Variants in ABTB3 observed in about 807,000 individuals in gnomAD.
ABTB3 encodes the protein ankyrin repeat- and BTB/POZ domain-containing protein 3.
the ABTB3 span, among the ~76,000 whole-genome samples, chr12:107,401,902 C>T: frequency 2.0e-5 from 3 of 147,540 alleles, no homozygotes; most frequent in Non-Finnish European, 3.0e-5. Context: ...TAGTAGGTAA[C>T]AACCGCTTAG....
the ABTB3 span, among the ~76,000 whole-genome samples, chr12:107,516,988 G>A: frequency 6.6e-6 from 1 of 152,252 alleles, no homozygotes. Context: ...TTCTTCTAGG[G>A]TTTTTATGGT....
the ABTB3 span, among the ~76,000 whole-genome samples, chr12:107,364,497 G>A: frequency 6.6e-6 from 1 of 151,936 alleles, no homozygotes; most frequent in Admixed American, 6.6e-5. Context: ...CACCATATTG[G>A]TTAGGCTGGT....
the ABTB3 span, among the ~76,000 whole-genome samples, chr12:107,363,427 A>G: frequency 6.6e-6 from 1 of 152,238 alleles, no homozygotes; most frequent in East Asian, 1.9e-4. Flanking sequence ...GGAGAAAACA[A>G]TGAATCTGTT....
At chr12:107,367,064 T>C in the ABTB3 span, among the ~76,000 whole-genome samples, 6 of 152,214 alleles carry the variant, frequency 3.9e-5, no homozygotes, top group African/African-American at 1.4e-4. Context: ...CACAGGTGAT[T>C]TGCTTAGATT....
the ABTB3 span, among the ~76,000 whole-genome samples, chr12:107,337,472 C>G: frequency 6.6e-6 from 1 of 152,220 alleles, no homozygotes; most frequent in Non-Finnish European, 1.5e-5. Flanking sequence ...ATTAATGTGG[C>G]TGGTTCCCAT....
chr12:107,516,483 C>T, the ABTB3 span, among the ~76,000 whole-genome samples: 104 of 152,262 alleles, frequency 6.8e-4, no homozygotes, highest in African/African-American at 2.5e-3. Context: ...CCGCCCACCT[C>T]GGCCTCCCAA....
chr12:107,506,833 TG>T, the ABTB3 span, among the ~76,000 whole-genome samples: 15 of 152,188 alleles, frequency 9.9e-5, no homozygotes, highest in Admixed American at 2.0e-4. Flanking sequence ...AGTGAGTGAA[TG>T]AATTGATGCA....
the ABTB3 span, among the ~76,000 whole-genome samples, chr12:107,413,964 A>G: frequency 6.6e-6 from 1 of 152,218 alleles, no homozygotes. Flanking sequence ...GGAGAAATAG[A>G]TAGTTTATTT....
At chr12:107,487,088 G>T in the ABTB3 span, among the ~76,000 whole-genome samples, 38 of 152,118 alleles carry the variant, frequency 2.5e-4, no homozygotes, top group African/African-American at 8.5e-4. Flanking sequence ...TCTGTCCCCA[G>T]TTTTTCCTTG....
the ABTB3 span, among the ~76,000 whole-genome samples, chr12:107,325,114 A>G: frequency 1.3e-5 from 2 of 152,248 alleles, no homozygotes; most frequent in African/African-American, 4.8e-5. Flanking sequence ...TGGAGATAAC[A>G]ATAATACTTG....
the ABTB3 span, among the ~76,000 whole-genome samples, chr12:107,388,634 T>C: frequency 0.057 from 8,590 of 151,700 alleles, 278 homozygotes; most frequent in Middle Eastern, 0.095. Flanking sequence ...CTGCTGGAGG[T>C]CTGGGCCAGC....
chr12:107,390,514 C>T, the ABTB3 span, among the ~76,000 whole-genome samples: 1 of 152,208 alleles, frequency 6.6e-6, no homozygotes, highest in Non-Finnish European at 1.5e-5. Context: ...CCAAAAAATA[C>T]TCACTGAATT....
the ABTB3 span, among the ~76,000 whole-genome samples, chr12:107,383,274 A>G: frequency 6.6e-6 from 1 of 152,158 alleles, no homozygotes; most frequent in Non-Finnish European, 1.5e-5. Context: ...GCCAGAGACC[A>G]CTCAGTGCCT....
the ABTB3 span, among the ~76,000 whole-genome samples, chr12:107,563,059 C>T: frequency 1.3e-5 from 2 of 152,184 alleles, no homozygotes; most frequent in African/African-American, 4.8e-5. Context: ...TTATTCTGGG[C>T]CCTTAGCAGG....
the ABTB3 span, among the ~76,000 whole-genome samples, chr12:107,524,071 C>T: frequency 1.3e-5 from 2 of 152,350 alleles, no homozygotes; most frequent in South Asian, 4.1e-4. Context: ...AGGCAGCCTG[C>T]AGGAGCTGCT....
chr12:107,630,381 C>A, the ABTB3 span, among the ~76,000 whole-genome samples: 1 of 150,506 alleles, frequency 6.6e-6, no homozygotes, highest in Admixed American at 6.6e-5. Flanking sequence ...GTGTAGGGAG[C>A]CCCCTGATGT....
At chr12:107,506,401 A>G in the ABTB3 span, among the ~76,000 whole-genome samples, 1 of 152,218 alleles carries the variant, frequency 6.6e-6, no homozygotes, top group African/African-American at 2.4e-5. Flanking sequence ...TGTGTGCATG[A>G]CACATGTCAG....
At chr12:107,562,125 C>G in the ABTB3 span, among the ~76,000 whole-genome samples, 2 of 152,216 alleles carry the variant, frequency 1.3e-5, no homozygotes, top group African/African-American at 4.8e-5. Context: ...AAGGTACTTA[C>G]TTATTCTTTC....
chr12:107,560,630 T>C, the ABTB3 span, among the ~76,000 whole-genome samples: 141 of 152,294 alleles, frequency 9.3e-4, 1 homozygote, highest in African/African-American at 3.3e-3. Flanking sequence ...AAAAAAGTCA[T>C]GAGATTTGCC....
Sources: gnomAD v4.1 joint callset for allele counts (sites outside exome capture counted in the v4.1 genomes callset) on GRCh38, gnomAD v4.1.1 for gene constraint, MANE v1.5 for transcripts, NCBI Gene and HGNC (gene_info 2026-07-23, HGNC 2026-07-21) for gene names.